The following CADPS2 variants were observed in gnomAD, a reference collection of about 807,000 sequenced individuals.
CADPS2 encodes the protein calcium dependent secretion activator 2, also known as calcium-dependent secretion activator 2.
CADPS2 carries 93 observed loss-of-function variants against 172.5 expected under a neutral mutation model. That is an observed-to-expected ratio of 0.54 (90% CI 0.46 to 0.64). The LOEUF is 0.64. CADPS2 is among the 30% of genes least tolerant of loss of function. The pLI is 0.00. For missense variants in CADPS2, 1,420 were observed against 1,565.9 expected (o/e 0.91, Z 1.57); for synonymous variants, 546 against 555.2 (o/e 0.98, Z 0.23).
At chr7:122,575,502 T>C (rs1288881752) in intron 7 of CADPS2, among the ~76,000 whole-genome samples, 2 of 151,810 alleles carry the variant, frequency 1.3e-5, no homozygotes, top group African/African-American at 4.8e-5. Flanking sequence ...AGTGGCACGA[T>C]CTCGGCTCAC....
At chr7:122,517,874 A>G (rs1477923881) in intron 8 of CADPS2, among the ~76,000 whole-genome samples, 2 of 152,026 alleles carry the variant, frequency 1.3e-5, no homozygotes, top group African/African-American at 2.4e-5. Flanking sequence ...ACTATCAGAT[A>G]ATCCATTTAT....
chr7:122,808,884 T>G (rs1421304385), intron 1 of CADPS2, among the ~76,000 whole-genome samples: 2 of 152,222 alleles, frequency 1.3e-5, no homozygotes, highest in Non-Finnish European at 2.9e-5. Flanking sequence ...TCTTTCATTT[T>G]ATATATGTAT....
At chr7:122,369,863 G>C (rs1462310294) in intron 25 of CADPS2, 4 of 152,150 alleles carry the variant, frequency 2.6e-5, no homozygotes, top group Admixed American at 6.5e-5. Flanking sequence ...TCTCCAATCT[G>C]TTTGCTACAG....
At chr7:122,838,734 C>A (rs1398807701) in intron 1 of CADPS2, among the ~76,000 whole-genome samples, 8 of 152,056 alleles carry the variant, frequency 5.3e-5, no homozygotes, top group African/African-American at 9.7e-5. Flanking sequence ...ATATGAAGGA[C>A]CTCTTCAAGG....
intron 1 of CADPS2, among the ~76,000 whole-genome samples, chr7:122,802,987 ATGTTT>A (rs1433585208): frequency 1.3e-5 from 2 of 152,186 alleles, no homozygotes; most frequent in Non-Finnish European, 2.9e-5. Flanking sequence ...TTTGTATTTA[ATGTTT>A]TATTTTCACA....
intron 28 of CADPS2, among the ~76,000 whole-genome samples, chr7:122,334,622 T>C (rs2035559949): frequency 6.6e-6 from 1 of 152,170 alleles, no homozygotes; most frequent in Admixed American, 6.5e-5. Flanking sequence ...TTGATGCAGG[T>C]GCTAGAACTG....
intron 3 of CADPS2, among the ~76,000 whole-genome samples, chr7:122,638,814 T>G (rs1431437486): frequency 1.3e-5 from 2 of 152,192 alleles, no homozygotes; most frequent in Non-Finnish European, 2.9e-5. Flanking sequence ...CCAGCTTCGA[T>G]TTTCTCTGTT....
At chr7:122,861,013 T>C (rs1290463442) in intron 1 of CADPS2, among the ~76,000 whole-genome samples, 3 of 152,204 alleles carry the variant, frequency 2.0e-5, no homozygotes, top group Admixed American at 1.3e-4. Flanking sequence ...ATGATAGACA[T>C]TTAAGTAGAT....
intron 5 of CADPS2, among the ~76,000 whole-genome samples, chr7:122,618,303 T>C (rs1277846907): frequency 2.0e-5 from 3 of 152,172 alleles, no homozygotes; most frequent in South Asian, 2.1e-4. Context: ...ATTGAGTCAA[T>C]TGTGTGCTAG....
At chr7:122,619,470 A>T (rs180746146) in intron 5 of CADPS2, among the ~76,000 whole-genome samples, 34 of 151,868 alleles carry the variant, frequency 2.2e-4, no homozygotes, top group African/African-American at 7.2e-4. Context: ...AAAAAAAAAA[A>T]AAAAAATTTA....
chr7:122,722,434 C>T (rs1371940256), intron 2 of CADPS2, among the ~76,000 whole-genome samples: 2 of 151,384 alleles, frequency 1.3e-5, no homozygotes, highest in Non-Finnish European at 2.9e-5. Flanking sequence ...AGTGAACTCC[C>T]ATTCACAATT....
Position 122,836,168 on chromosome 7 carries a change from G to C in CADPS2, c.339+49831C>G, listed in dbSNP as rs183967005. 8.9e-4 allele frequency among the ~76,000 whole-genome samples: 136 copies of C among 152,140 alleles called. 1 individual carries two copies. The East Asian group carries it at 0.023, about 26-fold the overall frequency. On this transcript the variant is annotated intron_variant, in intron 1 of 29. Coordinates refer to ENST00000449022, the MANE Select transcript of CADPS2 (RefSeq NM_017954.11). Reference sequence around the variant, plus strand: ...CAATTTTCAACCCAGAATTTCATATGCAGCCAAACTAAGCTTCATAAGTGA... The same window carrying C: ...CAATTTTCAACCCAGAATTTCATATCCAGCCAAACTAAGCTTCATAAGTGA...
In CADPS2 at chr7:122,745,078, C is replaced by G. The variant is rs578059143; in HGVS notation, c.340-8010G>C. On this transcript the variant is annotated intron_variant, in intron 1 of 29. Transcript: ENST00000449022. Reference sequence around the variant, plus strand: ...ATGTTACACTGTTAAATAATTAAAACTAAGCTAATTAACACACCCATCATC... The same window carrying G: ...ATGTTACACTGTTAAATAATTAAAAGTAAGCTAATTAACACACCCATCATC... 4.6e-4 allele frequency among the ~76,000 whole-genome samples: 70 copies of G among 151,494 alleles called. 1 individual carries two copies. The highest frequency in any genetic ancestry group is 1.6e-3 in the African/African-American group (64 of 41,242).
intron 1 of CADPS2, chr7:122,849,859 G>T (rs2141072055): frequency 1.7e-6 from 1 of 579,570 alleles, no homozygotes; most frequent in South Asian, 1.5e-5. Flanking sequence ...TTCCTTCTGG[G>T]CAGATCTCAA....
At chr7:122,834,037 A>G (rs1807466621) in intron 1 of CADPS2, among the ~76,000 whole-genome samples, 1 of 152,222 alleles carries the variant, frequency 6.6e-6, no homozygotes, top group African/African-American at 2.4e-5. Flanking sequence ...AAAGACGGAC[A>G]TACAGAAACC....
chr7:122,327,175 G>A (rs1045913235), intron 28 of CADPS2, among the ~76,000 whole-genome samples: 8 of 152,070 alleles, frequency 5.3e-5, no homozygotes, highest in East Asian at 3.9e-4. Flanking sequence ...TAACTGGCAC[G>A]TTAAATCTCA....
At chr7:122,510,340 A>G (rs2059921443) in intron 9 of CADPS2, among the ~76,000 whole-genome samples, 1 of 152,198 alleles carries the variant, frequency 6.6e-6, no homozygotes, top group African/African-American at 2.4e-5. Context: ...GAATATAAAC[A>G]GAGACCAAAA....
chr7:122,627,780 C>CT (rs765314133), intron 4 of CADPS2, among the ~76,000 whole-genome samples: 1 of 152,170 alleles, frequency 6.6e-6, no homozygotes, highest in Non-Finnish European at 1.5e-5. Context: ...TCAGGCACAT[C>CT]TCTCCAGGTT....
At chr7:122,549,296 G>A (rs754858134) in intron 8 of CADPS2, among the ~76,000 whole-genome samples, 21 of 152,044 alleles carry the variant, frequency 1.4e-4, no homozygotes, top group Non-Finnish European at 2.2e-4. Flanking sequence ...AATACTTACT[G>A]TCTACATGAC....
Sources: allele counts gnomAD v4.1 joint callset (sites outside exome capture counted in the v4.1 genomes callset), GRCh38; gene constraint gnomAD v4.1.1; transcripts MANE v1.5; gene names NCBI Gene and HGNC (gene_info 2026-07-23, HGNC 2026-07-21).